Variants in DGAT2L6 observed in about 807,000 individuals in gnomAD.
DGAT2L6 encodes the protein diacylglycerol O-acyltransferase 2 like 6, also known as diacylglycerol O-acyltransferase 2-like protein 6.
Under a neutral mutation model 25.5 loss-of-function variants are expected in DGAT2L6, and 22 were observed. The observed-to-expected ratio is 0.86, with a 90% CI of 0.62 to 1.23. DGAT2L6 has a LOEUF of 1.23. Ranked by LOEUF, DGAT2L6 falls within the 50% of genes most tolerant of loss-of-function variation. The pLI, the probability that DGAT2L6 is intolerant of heterozygous loss-of-function variation, is 0.00. For missense variants in DGAT2L6, 287 were observed against 253.2 expected (o/e 1.13, Z -0.91); for synonymous variants, 100 against 94.7 (o/e 1.06, Z -0.32).
At chrX:70,196,507 G>GAAAAAAAAA (rs2085392231) in intron 1 of DGAT2L6, among the ~76,000 whole-genome samples, 1 of 74,597 alleles carries the variant, frequency 1.3e-5, no homozygotes, top group Non-Finnish European at 2.7e-5. Context: ...AAAAAAGAAA[G>GAAAAAAAAA]AAAAAAGAAA....
chrX:70,201,646 G>A (rs984495976), intron 4 of DGAT2L6, among the ~76,000 whole-genome samples: 4 of 110,643 alleles, frequency 3.6e-5, no homozygotes, highest in Non-Finnish European at 7.6e-5. Context: ...ATGGTAGGAG[G>A]CAGAGGAGCT....
intron 1 of DGAT2L6, among the ~76,000 whole-genome samples, chrX:70,186,207 CTG>C (rs2085359337): frequency 1.8e-5 from 2 of 112,193 alleles, no homozygotes; most frequent in Non-Finnish European, 3.8e-5. Flanking sequence ...AGCTATCTCT[CTG>C]TGTTTGGCAC....
At chrX:70,186,001 T>G (rs1422944817) in intron 1 of DGAT2L6, among the ~76,000 whole-genome samples, 1 of 111,414 alleles carries the variant, frequency 9.0e-6, no homozygotes, top group Admixed American at 9.5e-5. Context: ...CCATAAGAAT[T>G]ATAGGTTTTC....
intron 1 of DGAT2L6, among the ~76,000 whole-genome samples, chrX:70,178,043 G>A (rs1490984649): frequency 2.7e-5 from 3 of 109,933 alleles, no homozygotes; most frequent in African/African-American, 6.6e-5. Flanking sequence ...GGCTGAGACA[G>A]GAGAATCACT....
chrX:70,202,105 T>G (rs1394819341), intron 5 of DGAT2L6, 41 bp downstream of exon 5: 1 of 1,107,028 alleles, frequency 9.0e-7, no homozygotes, highest in South Asian at 2.3e-5. Flanking sequence ...CAGGGTGCCA[T>G]AGGCCCTCTG....
chrX:70,179,848 C>T (rs938466052), intron 1 of DGAT2L6, among the ~76,000 whole-genome samples: 3 of 110,301 alleles, frequency 2.7e-5, no homozygotes, highest in African/African-American at 6.6e-5. Context: ...CTGGGATTAC[C>T]GGCATGAGCC....
intron 5 of DGAT2L6, among the ~76,000 whole-genome samples, chrX:70,202,681 C>A (rs1047525515): frequency 9.0e-6 from 1 of 111,506 alleles, no homozygotes; most frequent in African/African-American, 3.3e-5. Flanking sequence ...GGTTTACTAC[C>A]ACCATCTCTC....
At chrX:70,188,361 C>T (rs1243661590) in intron 1 of DGAT2L6, among the ~76,000 whole-genome samples, 1 of 111,064 alleles carries the variant, frequency 9.0e-6, no homozygotes, top group African/African-American at 3.3e-5. Context: ...ACTGATGGTG[C>T]TGAAAAGAAA....
intron 6 of DGAT2L6, 139 bp downstream of exon 6, chrX:70,204,655 A>C (rs753696306): frequency 2.6e-5 from 18 of 701,160 alleles, no homozygotes; most frequent in Non-Finnish European, 3.7e-5. Flanking sequence ...TGGGTAGGAC[A>C]ACTAAACAGA....
chrX:70,190,490 G>C (rs138339370), intron 1 of DGAT2L6, among the ~76,000 whole-genome samples: 1 of 111,666 alleles, frequency 9.0e-6, no homozygotes, highest in African/African-American at 3.3e-5. Context: ...TGTGGTGAAG[G>C]TTACAGACCT....
chrX:70,204,386 G>T lies in DGAT2L6; in HGVS notation c.729G>T (p.Arg243Ser). 8.3e-7 allele frequency: 1 copy of T among 1,211,215 alleles called. No individual in the cohort carries two copies. Among genetic ancestry groups the T allele is most frequent in the Non-Finnish European group, 1.1e-6 (1 of 895,310 alleles). Residue 243 changes from arginine to serine, a missense_variant, in exon 6 of 7, where the codon AGG becomes AGT. Physicochemically the swap from Arg to Ser is moderately radical, Grantham distance 110. Coordinates refer to ENST00000333026, the MANE Select transcript of DGAT2L6 (RefSeq NM_198512.3). ...CCTTCCCTGAGGGCACGTGGTTAAG[G>T]TTGTTCCAAAAAACCTTCCAGGACA... ...QETFPEGTWL[R>S]LFQKTFQDTF...
Position 70,204,376 on chromosome X carries a change from C to G in DGAT2L6, c.719C>G (p.Thr240Arg), listed in dbSNP as rs144263829. The change falls in exon 6 of 7, where the codon ACG becomes AGG. Residue 240 changes from threonine (T) to arginine (R), a missense_variant. Transcript: ENST00000333026. ...VFNQETFPEGTWLRLFQKTFQ... is the reference protein window; with the variant it reads ...VFNQETFPEGRWLRLFQKTFQ... Reference sequence around the variant, plus strand: ...AATCAGGAGACCTTCCCTGAGGGCACGTGGTTAAGGTTGTTCCAAAAAACC... The same window carrying G: ...AATCAGGAGACCTTCCCTGAGGGCAGGTGGTTAAGGTTGTTCCAAAAAACC... 3 of 1,210,671 alleles carry G rather than the reference C, an allele frequency of 2.5e-6. No individual in the cohort carries two copies. The highest frequency in any genetic ancestry group is 3.4e-6 in the Non-Finnish European group (3 of 895,093).
chrX:70,199,473 T>A, intron 2 of DGAT2L6, 92 bp downstream of exon 2: 1 of 478,684 alleles, frequency 2.1e-6, no homozygotes. Context: ...GAACCAAGGG[T>A]AGGGGAGAGG....
chrX:70,188,406 C>A (rs2085365754), intron 1 of DGAT2L6, among the ~76,000 whole-genome samples: 1 of 111,443 alleles, frequency 9.0e-6, no homozygotes, highest in African/African-American at 3.3e-5. Flanking sequence ...TGGAGACCTC[C>A]TTGACAACTA....
At chrX:70,194,134 A>T (rs1404937352) in intron 1 of DGAT2L6, among the ~76,000 whole-genome samples, 2 of 111,988 alleles carry the variant, frequency 1.8e-5, no homozygotes, top group Non-Finnish European at 3.8e-5. Context: ...GAAGGAAAAC[A>T]ATTCAATTTA....
intron 1 of DGAT2L6, 111 bp from the exon 2 acceptor site, chrX:70,199,160 C>A (rs1037781761): frequency 2.2e-6 from 1 of 457,665 alleles, no homozygotes; most frequent in South Asian, 4.1e-5. Context: ...AGAGAAGAGT[C>A]CCACATCAGC....
chrX:70,186,796 G>A (rs181842762), intron 1 of DGAT2L6, among the ~76,000 whole-genome samples: 1 of 112,009 alleles, frequency 8.9e-6, no homozygotes, highest in African/African-American at 3.2e-5. Flanking sequence ...TACAGGGCAT[G>A]GGAACACTAG....
chrX:70,197,016 T>C (rs760511717), intron 1 of DGAT2L6, among the ~76,000 whole-genome samples: 5 of 110,672 alleles, frequency 4.5e-5, no homozygotes, highest in Non-Finnish European at 7.6e-5. Flanking sequence ...AGTGCACATA[T>C]ATTAGAATGG....
In DGAT2L6 at chrX:70,182,469, C is replaced by CTTTTTTTTTTTTTT. The variant is rs1171530335; in HGVS notation, c.85+4817_85+4830dup. On this transcript the variant is annotated intron_variant, in intron 1 of 6. Coordinates refer to ENST00000333026, the MANE Select transcript of DGAT2L6 (RefSeq NM_198512.3). Reference sequence around the variant, plus strand: ...ACTTCTGGAGGTCTTTCAAAAGCATCTTTTTTTTTTTTTTTTTTTTTTTTT... The same window carrying CTTTTTTTTTTTTTT: ...ACTTCTGGAGGTCTTTCAAAAGCATCTTTTTTTTTTTTTTTTTTTTTTTTTTTTTTTTTTTTTTT... Among the ~76,000 whole-genome samples, 6 of 49,137 alleles carry CTTTTTTTTTTTTTT rather than the reference C, an allele frequency of 1.2e-4. 1 individual carries two copies. Among genetic ancestry groups the CTTTTTTTTTTTTTT allele is most frequent in the African/African-American group, 3.1e-4 (3 of 9,629 alleles). The allele number at this position is 49,137 out of a possible 115,157, so 42.7% of individuals were successfully genotyped here. A position where few individuals can be genotyped will look rare whatever the true frequency, so the allele number is the denominator to read the frequency against.
Sources: gnomAD v4.1 joint callset for allele counts (sites outside exome capture counted in the v4.1 genomes callset) on GRCh38, gnomAD v4.1.1 for gene constraint, MANE v1.5 for transcripts, NCBI Gene and HGNC (gene_info 2026-07-23, HGNC 2026-07-21) for gene names.